Variants in FARP1 observed in about 807,000 individuals in gnomAD.
The protein encoded by FARP1 is FERM, ARH/RhoGEF and pleckstrin domain protein 1.
Under a neutral mutation model 128.8 loss-of-function variants are expected in FARP1, and 52 were observed. The ratio of observed to expected loss-of-function variants is 0.40; its 90% CI spans 0.32 to 0.51. The LOEUF (loss-of-function observed/expected upper bound fraction) is 0.51, where lower values mean the gene tolerates loss of function less well. Among genes scored for constraint, FARP1 ranks in the 20% least tolerant of loss-of-function variants. The pLI is 0.45. For missense variants in FARP1, 1,333 were observed against 1,367.9 expected, an observed-to-expected ratio of 0.97 and a Z score of 0.40; for synonymous variants, 580 against 551.8, an observed-to-expected ratio of 1.05 and a Z score of -0.72.
intron 3 of FARP1, among the ~76,000 whole-genome samples, chr13:98,349,672 G>GGAAA: frequency 1.7e-5 from 1 of 59,864 alleles, no homozygotes; most frequent in African/African-American, 6.7e-5. Context: ...CCATCTCAGG[G>GGAAA]AAAAAAAAAA....
intron 2 of FARP1, among the ~76,000 whole-genome samples, chr13:98,239,264 A>G (rs1350789412): frequency 2.6e-5 from 4 of 151,976 alleles, no homozygotes; most frequent in Non-Finnish European, 5.9e-5. Flanking sequence ...CCCTGGACCG[A>G]CCCTGGTTGT....
chr13:98,379,188 TA>T lies in FARP1; in HGVS notation c.496+1272del, dbSNP rs1388047394. Among the ~76,000 whole-genome samples, 14 of 71,758 alleles carry T rather than the reference TA, an allele frequency of 2.0e-4. 4 individuals carry two copies. The highest frequency in any genetic ancestry group is 1.1e-3 in the African/African-American group (14 of 12,570). The allele number at this position is 71,758 out of a possible 152,430, so 47.1% of individuals were successfully genotyped here. On this transcript the variant is annotated intron_variant, in intron 6 of 26. Transcript: ENST00000319562. The stretch of plus-strand genomic sequence containing the variant: ...ATATATAATCTATATATAATATATA[TA>T]ATATATAATATATATATAATATATA...
At chr13:98,312,871 G>A (rs1388913149) in intron 2 of FARP1, among the ~76,000 whole-genome samples, 1 of 152,108 alleles carries the variant, frequency 6.6e-6, no homozygotes, top group African/African-American at 2.4e-5. Flanking sequence ...TTACAGTGCG[G>A]CTTCTGACTT....
At chr13:98,175,196 G>GA (rs1305400396) in intron 1 of FARP1, among the ~76,000 whole-genome samples, 2 of 152,148 alleles carry the variant, frequency 1.3e-5, no homozygotes, top group African/African-American at 2.4e-5. Context: ...TGATATATGA[G>GA]ATAGGCTCTT....
intron 16 of FARP1, among the ~76,000 whole-genome samples, chr13:98,417,377 T>A (rs1474390369): frequency 2.0e-5 from 3 of 147,490 alleles, no homozygotes; most frequent in Non-Finnish European, 3.0e-5. Flanking sequence ...ACTATACCTT[T>A]ATGGCAGCTT....
chr13:98,366,514 A>G (rs375928689), intron 4 of FARP1, among the ~76,000 whole-genome samples: 5 of 152,332 alleles, frequency 3.3e-5, no homozygotes, highest in South Asian at 4.1e-4. Flanking sequence ...TGTCCCCCGC[A>G]TGAAGGGAAC....
chr13:98,210,073 A>C (rs1205161958), intron 1 of FARP1, among the ~76,000 whole-genome samples: 1 of 152,048 alleles, frequency 6.6e-6, no homozygotes, highest in East Asian at 1.9e-4. Context: ...CAATGTATAG[A>C]ATGGTAGAAT....
intron 18 of FARP1, chr13:98,435,286 C>T (rs1162352201): frequency 1.3e-5 from 3 of 223,398 alleles, no homozygotes; most frequent in South Asian, 1.1e-4. Flanking sequence ...CTTCTTCCCC[C>T]GTGTCTTTCC....
At chr13:98,186,287 T>C (rs541701179) in intron 1 of FARP1, among the ~76,000 whole-genome samples, 4 of 152,022 alleles carry the variant, frequency 2.6e-5, no homozygotes, top group Non-Finnish European at 5.9e-5. Context: ...TTTGTATTTT[T>C]AGTAGAGATG....
At chr13:98,384,969 A>G (rs1890043418) in intron 7 of FARP1, 125 bp downstream of exon 7, 1 of 637,898 alleles carries the variant, frequency 1.6e-6, no homozygotes, top group Non-Finnish European at 2.8e-6. Flanking sequence ...GCGTGAGGAA[A>G]GAAGATCACA....
chr13:98,336,423 C>A (rs771584508), intron 2 of FARP1, among the ~76,000 whole-genome samples: 2 of 152,090 alleles, frequency 1.3e-5, no homozygotes, highest in Non-Finnish European at 2.9e-5. Flanking sequence ...GCACGCGCCA[C>A]CACGCCCAGA....
chr13:98,227,459 A>AT (rs1301543562), intron 2 of FARP1, among the ~76,000 whole-genome samples: 12 of 152,028 alleles, frequency 7.9e-5, no homozygotes, highest in Non-Finnish European at 2.9e-5. Flanking sequence ...ATTAAAAAAA[A>AT]AAAAAACAGA....
At chr13:98,379,493 G>C (rs1889807250) in intron 6 of FARP1, among the ~76,000 whole-genome samples, 1 of 151,620 alleles carries the variant, frequency 6.6e-6, no homozygotes, top group Admixed American at 6.6e-5. Flanking sequence ...TAACCCCCCA[G>C]CCTCCATTTC....
chr13:98,189,005 G>C (rs1879062229), intron 1 of FARP1, among the ~76,000 whole-genome samples: 1 of 152,208 alleles, frequency 6.6e-6, no homozygotes, highest in African/African-American at 2.4e-5. Context: ...CTCCACAGGT[G>C]TCAGACGGGC....
intron 2 of FARP1, among the ~76,000 whole-genome samples, chr13:98,251,783 A>G (rs1420954195): frequency 6.6e-6 from 1 of 152,218 alleles, no homozygotes; most frequent in Non-Finnish European, 1.5e-5. Flanking sequence ...GCAATTTGAT[A>G]AAGTCCATGA....
chr13:98,337,538 CGTGTGTGTGTGTGTGTGTGTGTGTGTGT>C (rs60625244), intron 2 of FARP1, among the ~76,000 whole-genome samples: 15 of 132,008 alleles, frequency 1.1e-4, no homozygotes, highest in Non-Finnish European at 2.2e-4. Context: ...TCTGTGTAGC[CGTGTGTGTGTGTGTGTGTGTGTGTGTGT>C]GTGTGTGTGT....
At chr13:98,407,774 T>G (rs1891037955) in intron 13 of FARP1, among the ~76,000 whole-genome samples, 1 of 152,212 alleles carries the variant, frequency 6.6e-6, no homozygotes, top group Non-Finnish European at 1.5e-5. Flanking sequence ...GTGTTGGCGG[T>G]GCTGCTGACT....
intron 2 of FARP1, among the ~76,000 whole-genome samples, chr13:98,296,395 G>A (rs1359105352): frequency 3.3e-5 from 5 of 152,104 alleles, no homozygotes; most frequent in Non-Finnish European, 5.9e-5. Context: ...TTCTCTGGAT[G>A]AAATGACTTT....
intron 2 of FARP1, among the ~76,000 whole-genome samples, chr13:98,309,755 C>T (rs980658492): frequency 3.9e-5 from 6 of 152,320 alleles, no homozygotes; most frequent in South Asian, 4.1e-4. Flanking sequence ...TTAGGTGATG[C>T]GGAACTGTGC....
Sources: allele counts gnomAD v4.1 joint callset (sites outside exome capture counted in the v4.1 genomes callset), GRCh38; gene constraint gnomAD v4.1.1; transcripts MANE v1.5; gene names NCBI Gene and HGNC (gene_info 2026-07-23, HGNC 2026-07-21).